Variants in ARHGAP22 observed in about 807,000 individuals in gnomAD.
ARHGAP22 encodes Rho GTPase activating protein 22, also known as rho GTPase-activating protein 22.
Under a neutral mutation model 59.1 loss-of-function variants are expected in ARHGAP22, and 48 were observed. The ratio of observed to expected loss-of-function variants is 0.81; its 90% CI spans 0.64 to 1.03. The LOEUF is 1.03. ARHGAP22 is among the 50% of genes least tolerant of loss of function. The pLI, the probability that ARHGAP22 is intolerant of heterozygous loss-of-function variation, is 0.00. For missense variants in ARHGAP22, 1,015 were observed against 958.7 expected, an observed-to-expected ratio of 1.06 and a Z score of -0.78; for synonymous variants, 445 against 416.4, an observed-to-expected ratio of 1.07 and a Z score of -0.84.
In ARHGAP22 at chr10:48,446,464, C is replaced by T. The variant is rs2045357758; in HGVS notation, c.2024G>A (p.Arg675Lys). 6.2e-7 allele frequency: 1 copy of T among 1,614,102 alleles called. No homozygotes were observed. Among genetic ancestry groups the T allele is most frequent in the African/African-American group, 1.3e-5 (1 of 74,946 alleles). ...GGTCGAAAAAAACTCCTCCATTTCC[C>T]TCTGCAACAGCTGGTTCCTCCTCTC... ...DAERRNQLLQREMEEFFSTLG... is the reference protein window; with the variant it reads ...DAERRNQLLQKEMEEFFSTLG... Residue 675 changes from arginine (R) to lysine (K), a missense_variant, in exon 10 of 10, where the codon AGG (arginine) becomes AAG (lysine). Transcript: ENST00000249601.
intron 3 of ARHGAP22, among the ~76,000 whole-genome samples, chr10:48,489,338 C>T (rs1266178388): frequency 3.3e-5 from 5 of 152,188 alleles, no homozygotes; most frequent in African/African-American, 1.2e-4. Context: ...GAACTTTGCT[C>T]ATGAACAGGC....
chr10:48,441,107 G>A (rs759812677), downstream of ARHGAP22, among the ~76,000 whole-genome samples: 4 of 152,192 alleles, frequency 2.6e-5, no homozygotes, highest in Non-Finnish European at 4.4e-5. Context: ...GGAGTGGGAG[G>A]AAGGGAACAA....
intron 3 of ARHGAP22, among the ~76,000 whole-genome samples, chr10:48,519,200 A>C (rs1348522082): frequency 6.6e-6 from 1 of 152,292 alleles, no homozygotes; most frequent in East Asian, 1.9e-4. Context: ...CCTATCACCC[A>C]GTCAGTAACA....
chr10:48,496,064 A>G (rs961032708), intron 3 of ARHGAP22, among the ~76,000 whole-genome samples: 1 of 152,196 alleles, frequency 6.6e-6, no homozygotes, highest in African/African-American at 2.4e-5. Flanking sequence ...CCCCCAAGCT[A>G]CAGGATGCAG....
chr10:48,501,216 C>A (rs1712969723), intron 3 of ARHGAP22, among the ~76,000 whole-genome samples: 1 of 152,210 alleles, frequency 6.6e-6, no homozygotes. Context: ...AGAAAGAGAA[C>A]AGTGGCTTTT....
chr10:48,592,433 C>G (rs1306279124), intron 1 of ARHGAP22, among the ~76,000 whole-genome samples: 1 of 152,246 alleles, frequency 6.6e-6, no homozygotes, highest in South Asian at 2.1e-4. Context: ...TCCTCCCATT[C>G]TTTGGCCCTT....
chr10:48,461,146 T>C (rs2133810975), intron 4 of ARHGAP22, among the ~76,000 whole-genome samples: 1 of 152,350 alleles, frequency 6.6e-6, no homozygotes, highest in East Asian at 1.9e-4. Context: ...ATGCTAAGTG[T>C]ATTTTATGAA....
At chr10:48,534,429 G>A (rs533357930) in intron 3 of ARHGAP22, among the ~76,000 whole-genome samples, 92 of 152,194 alleles carry the variant, frequency 6.0e-4, no homozygotes, top group Non-Finnish European at 1.1e-3. Flanking sequence ...GAAAGAGCAG[G>A]AGGCCATGGG....
intron 3 of ARHGAP22, among the ~76,000 whole-genome samples, chr10:48,545,526 G>T (rs1258132082): frequency 6.6e-6 from 1 of 152,184 alleles, no homozygotes; most frequent in Non-Finnish European, 1.5e-5. Context: ...CTCAGCAGGG[G>T]CTGCACGAGG....
chr10:48,478,765 C>A (rs2048981422), intron 4 of ARHGAP22, among the ~76,000 whole-genome samples: 1 of 152,170 alleles, frequency 6.6e-6, no homozygotes. Context: ...CATGTCCAGA[C>A]CATAGGCAAA....
chr10:48,644,296 G>A (rs80303222), intron 1 of ARHGAP22, among the ~76,000 whole-genome samples: 3 of 152,258 alleles, frequency 2.0e-5, no homozygotes, highest in East Asian at 1.9e-4. Flanking sequence ...AAAAACAGAC[G>A]GTATTGAAGA....
At chr10:48,596,089 A>G (rs1199020848) in intron 1 of ARHGAP22, among the ~76,000 whole-genome samples, 3 of 152,210 alleles carry the variant, frequency 2.0e-5, no homozygotes, top group Non-Finnish European at 4.4e-5. Flanking sequence ...TGCATTCTTG[A>G]AAGTTATTTT....
chr10:48,453,990 C>A, intron 7 of ARHGAP22, 98 bp downstream of exon 7: 1 of 1,290,292 alleles, frequency 7.8e-7, no homozygotes, highest in Non-Finnish European at 1.1e-6. Flanking sequence ...TGACCCGGGC[C>A]CCCCTCTGAC....
intron 3 of ARHGAP22, among the ~76,000 whole-genome samples, chr10:48,497,004 C>T (rs940559373): frequency 2.0e-5 from 3 of 152,098 alleles, no homozygotes; most frequent in Non-Finnish European, 4.4e-5. Flanking sequence ...ACTGCTCCAT[C>T]CCCCAGGGCA....
chr10:48,435,039 C>T, the ARHGAP22 span: 6 of 1,506,974 alleles, frequency 4.0e-6, no homozygotes, highest in African/African-American at 2.8e-5. Context: ...ACTACTTGGG[C>T]CATCGGGGGG....
intron 2 of ARHGAP22, among the ~76,000 whole-genome samples, chr10:48,561,070 A>G (rs75892334): frequency 0.013 from 1,906 of 152,244 alleles, 35 homozygotes; most frequent in African/African-American, 0.044. Context: ...GAGTTCTAAT[A>G]CTACTTGATT....
Position 48,568,412 on chromosome 10 carries a change from C to T in ARHGAP22, c.235-12862G>A, listed in dbSNP as rs956254248. Among the ~76,000 whole-genome samples, 5 of 152,164 alleles carry T rather than the reference C, an allele frequency of 3.3e-5. No individual in the cohort carries two copies. In the East Asian group the frequency reaches 5.8e-4, roughly 18 times the overall value. The stretch of plus-strand genomic sequence containing the variant: ...CTGGACCATATGGTAGGCCTCTTTG[C>T]CCCCTGAAGTACCTGGTGTTCCATG... On this transcript the variant is annotated intron_variant, in intron 2 of 9. Coordinates refer to ENST00000249601, the MANE Select transcript of ARHGAP22 (RefSeq NM_021226.4).
At chr10:48,542,811 G>T (rs1197941517) in intron 3 of ARHGAP22, among the ~76,000 whole-genome samples, 1 of 152,226 alleles carries the variant, frequency 6.6e-6, no homozygotes, top group Non-Finnish European at 1.5e-5. Context: ...AACACCCTTG[G>T]GGGTGGCCTG....
At chr10:48,582,683 A>G (rs61838376) in intron 2 of ARHGAP22, 71,872 of 509,528 alleles carry the variant, frequency 0.14, 6,372 homozygotes, top group Middle Eastern at 0.23. Context: ...AACATGGAAG[A>G]CGTTGTTTTC....
Sources: gnomAD v4.1 joint callset for allele counts (sites outside exome capture counted in the v4.1 genomes callset) on GRCh38, gnomAD v4.1.1 for gene constraint, MANE v1.5 for transcripts, NCBI Gene and HGNC (gene_info 2026-07-23, HGNC 2026-07-21) for gene names.